The following RASGRF2 variants were observed in gnomAD, a reference collection of about 807,000 sequenced individuals.
RASGRF2 encodes Ras protein specific guanine nucleotide releasing factor 2.
RASGRF2 carries 76 observed loss-of-function variants against 151.0 expected under a neutral mutation model. That is an observed-to-expected ratio of 0.50 (90% CI 0.42 to 0.61). The LOEUF (loss-of-function observed/expected upper bound fraction) is 0.61, where lower values mean the gene tolerates loss of function less well. Among genes scored for constraint, RASGRF2 ranks in the 20% least tolerant of loss-of-function variants. The pLI is 0.00. For synonymous variants in RASGRF2, 504 were observed against 566.5 expected, an observed-to-expected ratio of 0.89 and a Z score of 1.57; for missense variants, 1,148 against 1,564.6, an observed-to-expected ratio of 0.73 and a Z score of 4.49.
At chr5:81,212,928 G>T (rs963239139) in intron 23 of RASGRF2, among the ~76,000 whole-genome samples, 1 of 152,048 alleles carries the variant, frequency 6.6e-6, no homozygotes, top group Non-Finnish European at 1.5e-5. Context: ...CAAAAGCCAG[G>T]GACAAAAGGC....
At chr5:81,199,638 G>A (rs968476368) in intron 18 of RASGRF2, among the ~76,000 whole-genome samples, 11 of 152,058 alleles carry the variant, frequency 7.2e-5, no homozygotes, top group African/African-American at 2.4e-4. Flanking sequence ...ATGCCTGTGC[G>A]GTGGCTCCCA....
Position 80,990,344 on chromosome 5 carries a change from C to T in RASGRF2, c.288+29318C>T, listed in dbSNP as rs1748610821. Among the ~76,000 whole-genome samples the T allele has an allele frequency of 2.0e-5, 3 of 152,094 alleles. No homozygotes were observed. The South Asian group carries it at 6.2e-4, about 32-fold the overall frequency. The stretch of plus-strand genomic sequence containing the variant: ...TTCTGTAGGAGGTAGGTGAGCTTCC[C>T]TCGTGCCCAATTTCATGTCCAACCC... On this transcript the variant is annotated intron_variant, in intron 1 of 26. Coordinates refer to ENST00000265080, the MANE Select transcript of RASGRF2 (RefSeq NM_006909.3).
At chr5:81,219,804 T>G in intron 26 of RASGRF2, 26 bp downstream of exon 26, 1 of 1,535,212 alleles carries the variant, frequency 6.5e-7, no homozygotes, top group Non-Finnish European at 8.9e-7. Flanking sequence ...TGTGAAGAAA[T>G]TAATAAAGAA....
intron 2 of RASGRF2, among the ~76,000 whole-genome samples, chr5:81,043,194 A>C (rs187598669): frequency 5.8e-4 from 89 of 152,312 alleles, no homozygotes; most frequent in Admixed American, 1.4e-3. Context: ...GATAATAATA[A>C]GTAGTAGTAG....
chr5:81,190,115 A>G (rs1755124638), intron 18 of RASGRF2, among the ~76,000 whole-genome samples: 1 of 152,258 alleles, frequency 6.6e-6, no homozygotes, highest in South Asian at 2.1e-4. Context: ...GATCCCAAAC[A>G]TCCACCAGGC....
chr5:81,062,744 C>T (rs181026850), intron 2 of RASGRF2, among the ~76,000 whole-genome samples: 8 of 152,300 alleles, frequency 5.3e-5, no homozygotes, highest in Non-Finnish European at 2.9e-5. Context: ...TGTGTGTCAA[C>T]TTCTAGTTTC....
intron 18 of RASGRF2, among the ~76,000 whole-genome samples, chr5:81,199,372 A>G (rs1484370220): frequency 5.3e-5 from 8 of 152,244 alleles, no homozygotes; most frequent in Non-Finnish European, 7.3e-5. Context: ...ATTACAGAGC[A>G]TTACATTAGT....
intron 1 of RASGRF2, among the ~76,000 whole-genome samples, chr5:80,971,342 A>T (rs1747925067): frequency 6.6e-6 from 1 of 152,182 alleles, no homozygotes; most frequent in South Asian, 2.1e-4. Context: ...GTACTCTTTC[A>T]TGTTGGATTT....
At chr5:81,112,880 A>G (rs1753038899) in intron 14 of RASGRF2, 22 bp downstream of exon 14, 4 of 1,613,722 alleles carry the variant, frequency 2.5e-6, no homozygotes, top group Admixed American at 1.7e-5. Context: ...GCTAGAGGTT[A>G]GCCTGTCATT....
chr5:81,065,191 T>C (rs28625589), intron 2 of RASGRF2, among the ~76,000 whole-genome samples: 32,075 of 152,134 alleles, frequency 0.21, 3,608 homozygotes, highest in Middle Eastern at 0.38. Flanking sequence ...AGACTCCTAA[T>C]CCACAGAAAC....
intron 18 of RASGRF2, among the ~76,000 whole-genome samples, chr5:81,193,051 C>G (rs1755184325): frequency 6.6e-6 from 1 of 152,116 alleles, no homozygotes; most frequent in Non-Finnish European, 1.5e-5. Context: ...GCAGTATTTT[C>G]ACTTTCCTTT....
intron 2 of RASGRF2, among the ~76,000 whole-genome samples, chr5:81,066,607 GTC>G (rs1751614200): frequency 6.6e-6 from 1 of 152,154 alleles, no homozygotes; most frequent in Non-Finnish European, 1.5e-5. Flanking sequence ...CAGACTTTCT[GTC>G]TCTCCTGTCT....
chr5:81,161,169 C>T (rs1158704890), intron 17 of RASGRF2, among the ~76,000 whole-genome samples: 1 of 152,192 alleles, frequency 6.6e-6, no homozygotes, highest in African/African-American at 2.4e-5. Context: ...CGGATTCACA[C>T]CACCGGGTCT....
At position 81,017,524 on chromosome 5, in the gene RASGRF2, G is replaced by A. The variant is rs146937591; in HGVS notation, c.289-25353G>A. Among the ~76,000 whole-genome samples the A allele has an allele frequency of 1.4e-3, 217 of 152,332 alleles. 1 individual carries two copies. Among genetic ancestry groups the A allele is most frequent in the African/African-American group, 5.0e-3 (209 of 41,580 alleles). ...AGGGAATTGAACCAATAGGGTGGAG[G>A]TGCTAAGAATTCAGCCTCTTAGATC... On this transcript the variant is annotated intron_variant, in intron 1 of 26. Coordinates refer to ENST00000265080, the MANE Select transcript of RASGRF2 (RefSeq NM_006909.3).
intron 15 of RASGRF2, 47 bp downstream of exon 15, chr5:81,113,967 G>A (rs751468925): frequency 9.6e-6 from 15 of 1,560,286 alleles, no homozygotes; most frequent in African/African-American, 8.1e-5. Flanking sequence ...TTTGCTGGCC[G>A]CCTGCCTCCT....
At chr5:80,986,374 A>G (rs1319454502) in intron 1 of RASGRF2, among the ~76,000 whole-genome samples, 1 of 152,080 alleles carries the variant, frequency 6.6e-6, no homozygotes, top group South Asian at 2.1e-4. Context: ...TAGCACTGGG[A>G]TATTGTTGGT....
chr5:80,989,244 T>C (rs1339882519), intron 1 of RASGRF2, among the ~76,000 whole-genome samples: 4 of 152,306 alleles, frequency 2.6e-5, no homozygotes, highest in South Asian at 2.1e-4. Context: ...GTGCTGGGAT[T>C]ACAGGCATGA....
At chr5:81,205,175 C>G (rs1755477426) in intron 19 of RASGRF2, among the ~76,000 whole-genome samples, 1 of 152,178 alleles carries the variant, frequency 6.6e-6, no homozygotes, top group African/African-American at 2.4e-5. Context: ...AATAATATGG[C>G]TAAGTGCCGA....
At chr5:81,004,500 G>A (rs910261226) in intron 1 of RASGRF2, among the ~76,000 whole-genome samples, 3 of 152,234 alleles carry the variant, frequency 2.0e-5, no homozygotes, top group Admixed American at 1.3e-4. Flanking sequence ...CCATGAGGCT[G>A]CATGTCCAAT....
Sources: allele counts gnomAD v4.1 joint callset (sites outside exome capture counted in the v4.1 genomes callset), GRCh38; gene constraint gnomAD v4.1.1; transcripts MANE v1.5; gene names NCBI Gene and HGNC (gene_info 2026-07-23, HGNC 2026-07-21).